Variants in MEI4 observed in about 807,000 individuals in gnomAD.
MEI4 encodes meiotic double-stranded break formation protein 4.
Under a neutral mutation model 31.4 loss-of-function variants are expected in MEI4, and 27 were observed. The observed-to-expected ratio is 0.86, with a 90% CI of 0.63 to 1.19. The LOEUF is 1.19. MEI4 is among the 50% of genes most tolerant of loss of function. MEI4 has a pLI of 0.00. For missense variants in MEI4, 329 were observed against 398.9 expected (o/e 0.82, Z 1.49); for synonymous variants, 122 against 145.4 (o/e 0.84, Z 1.16).
intron 4 of MEI4, among the ~76,000 whole-genome samples, chr6:77,874,679 G>C (rs1447439201): frequency 6.6e-6 from 1 of 152,072 alleles, no homozygotes; most frequent in East Asian, 1.9e-4. Flanking sequence ...TCCCTGTCTT[G>C]TGCCAGTTTT....
chr6:77,706,851 A>G (rs895444963), intron 2 of MEI4, among the ~76,000 whole-genome samples: 2 of 152,202 alleles, frequency 1.3e-5, no homozygotes, highest in African/African-American at 4.8e-5. Context: ...AGGCCTCACC[A>G]GAAGCCAAGC....
chr6:77,875,894 A>G (rs549442455), intron 4 of MEI4, among the ~76,000 whole-genome samples: 1 of 152,204 alleles, frequency 6.6e-6, no homozygotes, highest in East Asian at 1.9e-4. Flanking sequence ...TGAAGTCTTT[A>G]TTTTTTTGAC....
intron 1 of MEI4, among the ~76,000 whole-genome samples, chr6:77,663,634 T>C (rs1310260768): frequency 5.3e-5 from 8 of 152,118 alleles, no homozygotes; most frequent in Admixed American, 5.2e-4. Context: ...GAAGCCTGGC[T>C]GTCAATACCC....
chr6:77,796,595 G>A (rs935591328), intron 3 of MEI4, among the ~76,000 whole-genome samples: 6 of 152,036 alleles, frequency 3.9e-5, no homozygotes, highest in African/African-American at 1.2e-4. Flanking sequence ...AATACATCAA[G>A]GAAGCAATCC....
At chr6:77,889,168 G>T (rs2127731423) in intron 4 of MEI4, among the ~76,000 whole-genome samples, 1 of 152,238 alleles carries the variant, frequency 6.6e-6, no homozygotes, top group Non-Finnish European at 1.5e-5. Flanking sequence ...ATCTGCTGTT[G>T]TCCCCACCTG....
intron 4 of MEI4, among the ~76,000 whole-genome samples, chr6:77,862,817 G>T (rs1002746358): frequency 2.0e-5 from 3 of 152,196 alleles, no homozygotes; most frequent in African/African-American, 7.2e-5. Context: ...TAACTGGGAG[G>T]CATCCCCCAG....
At chr6:77,707,135 T>C (rs912393244) in intron 2 of MEI4, among the ~76,000 whole-genome samples, 1 of 152,016 alleles carries the variant, frequency 6.6e-6, no homozygotes, top group African/African-American at 2.4e-5. Context: ...TAAATGGTTC[T>C]GACCGAAATG....
chr6:77,854,946 T>C (rs12665272), intron 4 of MEI4, among the ~76,000 whole-genome samples: 13,661 of 132,324 alleles, frequency 0.1, 918 homozygotes, highest in East Asian at 0.33. Flanking sequence ...GATCAACTTA[T>C]GCTATCCCCA....
chr6:77,899,720 A>G (rs777278969), intron 4 of MEI4, among the ~76,000 whole-genome samples: 1 of 152,128 alleles, frequency 6.6e-6, no homozygotes, highest in African/African-American at 2.4e-5. Flanking sequence ...CCATGTTGCC[A>G]TAAATGTTAT....
intron 4 of MEI4, among the ~76,000 whole-genome samples, chr6:77,919,007 A>G (rs960537401): frequency 6.6e-6 from 1 of 151,928 alleles, no homozygotes; most frequent in African/African-American, 2.4e-5. Context: ...GCAAGTCCTG[A>G]GTGACATACA....
intron 4 of MEI4, among the ~76,000 whole-genome samples, chr6:77,889,672 C>T (rs1409516335): frequency 6.6e-6 from 1 of 152,190 alleles, no homozygotes; most frequent in Non-Finnish European, 1.5e-5. Context: ...CAATGGGGAA[C>T]ATGTCTCCAG....
chr6:77,740,961 G>T (rs573746694), intron 2 of MEI4, among the ~76,000 whole-genome samples: 2 of 152,090 alleles, frequency 1.3e-5, no homozygotes, highest in South Asian at 4.2e-4. Context: ...CCTTAAAACA[G>T]GTTAATGAGT....
intron 3 of MEI4, among the ~76,000 whole-genome samples, chr6:77,775,651 G>A (rs139116169): frequency 6.6e-6 from 1 of 152,244 alleles, no homozygotes; most frequent in African/African-American, 2.4e-5. Context: ...AAACATGCAT[G>A]TGTAAGTATT....
At chr6:77,870,973 G>A (rs1404083690) in intron 4 of MEI4, among the ~76,000 whole-genome samples, 1 of 152,132 alleles carries the variant, frequency 6.6e-6, no homozygotes, top group East Asian at 1.9e-4. Context: ...ACAAGTGCCT[G>A]TGAATTATAT....
chr6:77,903,736 G>T (rs1766235147), intron 4 of MEI4, among the ~76,000 whole-genome samples: 1 of 152,098 alleles, frequency 6.6e-6, no homozygotes, highest in South Asian at 2.1e-4. Context: ...AAAGTTTTTA[G>T]CATGAAATGA....
At chr6:77,657,272 G>T (rs1188107013) in intron 1 of MEI4, among the ~76,000 whole-genome samples, 3 of 152,200 alleles carry the variant, frequency 2.0e-5, no homozygotes, top group Non-Finnish European at 2.9e-5. Flanking sequence ...CAACTTCAGA[G>T]AATAGTTCAA....
chr6:77,907,087 G>C (rs1334058239), intron 4 of MEI4, among the ~76,000 whole-genome samples: 2 of 151,514 alleles, frequency 1.3e-5, no homozygotes, highest in Non-Finnish European at 2.9e-5. Flanking sequence ...GAAATAGCAA[G>C]ATTTTTTTCA....
At chr6:77,777,890 T>C (rs1473554347) in intron 3 of MEI4, among the ~76,000 whole-genome samples, 1 of 151,994 alleles carries the variant, frequency 6.6e-6, no homozygotes, top group Non-Finnish European at 1.5e-5. Flanking sequence ...AAAAAAACCT[T>C]TAAATTTAAA....
chr6:77,888,212 A>G (rs368042190), intron 4 of MEI4, among the ~76,000 whole-genome samples: 1 of 152,266 alleles, frequency 6.6e-6, no homozygotes, highest in African/African-American at 2.4e-5. Flanking sequence ...AAATCAATTC[A>G]GCCAGGCTAT....
Sources: allele counts gnomAD v4.1 joint callset (sites outside exome capture counted in the v4.1 genomes callset), GRCh38; gene constraint gnomAD v4.1.1; transcripts MANE v1.5; gene names NCBI Gene and HGNC (gene_info 2026-07-23, HGNC 2026-07-21).